KCNH7: variants seen among roughly 807,000 people sequenced by gnomAD.
The protein encoded by KCNH7 is potassium voltage-gated channel subfamily H member 7.
Under a neutral mutation model 120.8 loss-of-function variants are expected in KCNH7, and 49 were observed. The ratio of observed to expected loss-of-function variants is 0.41; its 90% CI spans 0.32 to 0.51. The LOEUF (loss-of-function observed/expected upper bound fraction) is 0.51. Ranked by LOEUF, KCNH7 falls within the 20% of genes least tolerant of loss-of-function variation. The pLI is 0.38. For missense variants in KCNH7, 1,097 were observed against 1,446.6 expected, an observed-to-expected ratio of 0.76 and a Z score of 3.92; for synonymous variants, 547 against 516.1, an observed-to-expected ratio of 1.06 and a Z score of -0.81.
chr2:162,574,382 T>A (rs1392347561), intron 2 of KCNH7, among the ~76,000 whole-genome samples: 2 of 151,930 alleles, frequency 1.3e-5, no homozygotes, highest in East Asian at 3.9e-4. Context: ...TTTAAAGTAT[T>A]AATTTTCTCT....
At chr2:162,533,141 G>A (rs1301501003) in intron 3 of KCNH7, among the ~76,000 whole-genome samples, 1 of 151,612 alleles carries the variant, frequency 6.6e-6, no homozygotes, top group African/African-American at 2.4e-5. Flanking sequence ...TTCTTATAAA[G>A]ATAACTGTTG....
chr2:162,619,942 T>G (rs1683286820), intron 2 of KCNH7, among the ~76,000 whole-genome samples: 1 of 151,952 alleles, frequency 6.6e-6, no homozygotes, highest in Non-Finnish European at 1.5e-5. Context: ...TTTGAGATTT[T>G]ACAACCTGTT....
Position 162,750,286 on chromosome 2 carries a change from G to A in KCNH7, c.307+86251C>T, listed in dbSNP as rs1476426342. On this transcript the variant is annotated intron_variant, in intron 2 of 15. Transcript: ENST00000332142. ...GAAGGGAGACAGAAAGCACAGAGAA[G>A]GCCCTAGAACTTAACTTTTAATCTC... 2.7e-5 allele frequency among the ~76,000 whole-genome samples: 4 copies of A among 150,516 alleles called. No individual in the cohort carries two copies. The East Asian group carries it at 7.8e-4, about 29-fold the overall frequency.
At chr2:162,380,743 T>A (rs916431705) in intron 13 of KCNH7, among the ~76,000 whole-genome samples, 2 of 152,136 alleles carry the variant, frequency 1.3e-5, no homozygotes, top group African/African-American at 4.8e-5. Flanking sequence ...TTAGTTCAGG[T>A]CTACTATTTA....
intron 6 of KCNH7, among the ~76,000 whole-genome samples, chr2:162,478,468 T>C (rs932043933): frequency 6.6e-6 from 1 of 152,174 alleles, no homozygotes; most frequent in African/African-American, 2.4e-5. Flanking sequence ...ATAAGAACAA[T>C]TTTAATTACA....
Position 162,373,486 on chromosome 2 carries a change from A to G in KCNH7, c.3308T>C (p.Phe1103Ser). ...PEASIKTDRS[F>S]SPSSQCPEFL... ...CACACTTACTTGTGAGGAAGGGCTG[A>G]AACTTCGGTCAGTTTTGATGGATGC... Residue 1103 changes from phenylalanine (F) to serine (S), a missense_variant, in exon 15 of 16, where the codon TTC (phenylalanine) becomes TCC (serine). Physicochemically the swap from Phe to Ser is radical, Grantham distance 155. Around this residue, in one of 8 missense-constraint regions of KCNH7, gnomAD observed 406 missense variants for 410.5 expected, o/e 0.99. Coordinates refer to ENST00000332142, the MANE Select transcript of KCNH7 (RefSeq NM_033272.4). 2 of 1,543,704 alleles carry G rather than the reference A, an allele frequency of 1.3e-6. No individual in the cohort carries two copies. Among genetic ancestry groups the G allele is most frequent in the Non-Finnish European group, 1.7e-6 (2 of 1,143,872 alleles).
chr2:162,726,444 GA>G (rs1480212441), intron 2 of KCNH7, among the ~76,000 whole-genome samples: 4 of 152,050 alleles, frequency 2.6e-5, no homozygotes, highest in Non-Finnish European at 5.9e-5. Context: ...TTTTGAGATG[GA>G]GTCTTGCCCT....
intron 9 of KCNH7, among the ~76,000 whole-genome samples, chr2:162,416,526 C>A (rs913699351): frequency 6.6e-6 from 1 of 152,116 alleles, no homozygotes; most frequent in African/African-American, 2.4e-5. Flanking sequence ...TGAGATGCAC[C>A]TCTATGATCC....
intron 3 of KCNH7, among the ~76,000 whole-genome samples, chr2:162,520,179 T>C (rs1691470974): frequency 6.8e-6 from 1 of 146,814 alleles, no homozygotes. Context: ...TTTTTTTTTT[T>C]AGTGAATGGC....
At chr2:162,452,631 G>A (rs891297494) in intron 6 of KCNH7, among the ~76,000 whole-genome samples, 1 of 152,038 alleles carries the variant, frequency 6.6e-6, no homozygotes, top group African/African-American at 2.4e-5. Context: ...CCATTGCTCT[G>A]AGTGTACTTA....
At chr2:162,829,642 T>G (rs1281408556) in intron 2 of KCNH7, among the ~76,000 whole-genome samples, 1 of 152,126 alleles carries the variant, frequency 6.6e-6, no homozygotes, top group Non-Finnish European at 1.5e-5. Context: ...CACTAAATAT[T>G]TTTCTAGCTA....
intron 2 of KCNH7, among the ~76,000 whole-genome samples, chr2:162,767,943 A>G (rs371701590): frequency 1.3e-4 from 20 of 152,040 alleles, no homozygotes; most frequent in Non-Finnish European, 2.6e-4. Context: ...AAATTGAAAA[A>G]CTCAAATAGT....
intron 6 of KCNH7, among the ~76,000 whole-genome samples, chr2:162,486,061 C>A (rs922905704): frequency 6.6e-6 from 1 of 152,116 alleles, no homozygotes; most frequent in Non-Finnish European, 1.5e-5. Flanking sequence ...GATCTGGTTG[C>A]AGACCATTAT....
In KCNH7 at chr2:162,657,804, C is replaced by T. The variant is rs1366260860; in HGVS notation, c.308-120724G>A. ...CATTCTCATTTAGGTTTACGATCTC[C>T]ACAGTAATTAATTCAAAATGAATCA... On this transcript the variant is annotated intron_variant, in intron 2 of 15. Transcript: ENST00000332142. Among the ~76,000 whole-genome samples the T allele has an allele frequency of 2.0e-5, 3 of 152,046 alleles. No individual in the cohort carries two copies. In the East Asian group the frequency reaches 5.8e-4, roughly 29 times the overall value.
intron 2 of KCNH7, among the ~76,000 whole-genome samples, chr2:162,655,241 A>G (rs1457578678): frequency 6.6e-6 from 1 of 152,072 alleles, no homozygotes; most frequent in South Asian, 2.1e-4. Flanking sequence ...ATGAATTTAT[A>G]TAATTTTATA....
intron 3 of KCNH7, among the ~76,000 whole-genome samples, chr2:162,523,646 A>G (rs1691605199): frequency 6.6e-6 from 1 of 151,684 alleles, no homozygotes; most frequent in South Asian, 2.1e-4. Context: ...ACTTCAACCA[A>G]TTCTTCTAAC....
intron 6 of KCNH7, among the ~76,000 whole-genome samples, chr2:162,490,218 A>G (rs527375147): frequency 9.8e-4 from 150 of 152,370 alleles, no homozygotes; most frequent in Non-Finnish European, 1.6e-3. Flanking sequence ...GCAGTGGCCT[A>G]AGGGGCCACA....
intron 2 of KCNH7, among the ~76,000 whole-genome samples, chr2:162,554,344 C>G (rs1692784285): frequency 1.3e-5 from 2 of 152,038 alleles, no homozygotes; most frequent in African/African-American, 4.8e-5. Context: ...AAATATAAAC[C>G]ACAAACTCCA....
At chr2:162,648,630 T>C (rs946968604) in intron 2 of KCNH7, among the ~76,000 whole-genome samples, 1 of 152,194 alleles carries the variant, frequency 6.6e-6, no homozygotes, top group Non-Finnish European at 1.5e-5. Flanking sequence ...ATTCTTTTCC[T>C]TCCAATCCAT....
Sources: allele counts gnomAD v4.1 joint callset (sites outside exome capture counted in the v4.1 genomes callset), GRCh38; gene constraint gnomAD v4.1.1; regional missense constraint gnomAD v4.1.1; transcripts MANE v1.5; gene names NCBI Gene and HGNC (gene_info 2026-07-23, HGNC 2026-07-21).